The following TTC7B variants were observed in gnomAD, a reference collection of about 807,000 sequenced individuals.
The protein encoded by TTC7B is tetratricopeptide repeat protein 7B.
TTC7B carries 28 observed loss-of-function variants against 106.8 expected under a neutral mutation model. The ratio of observed to expected loss-of-function variants is 0.26; its 90% CI spans 0.19 to 0.36. The LOEUF is 0.36. TTC7B is among the 10% of genes least tolerant of loss of function. The probability of loss-of-function intolerance (pLI) is 1.00; values close to 1 mark genes in which losing one functional copy is unlikely to be tolerated. For synonymous variants in TTC7B, 405 were observed against 430.6 expected, an observed-to-expected ratio of 0.94 and a Z score of 0.74; for missense variants, 862 against 1,076.4, an observed-to-expected ratio of 0.80 and a Z score of 2.79.
chr14:90,625,799 C>T (rs879789501), intron 15 of TTC7B, among the ~76,000 whole-genome samples: 12 of 152,198 alleles, frequency 7.9e-5, no homozygotes, highest in African/African-American at 1.2e-4. Flanking sequence ...AATTCCTCAA[C>T]GGTTACACAG....
chr14:90,640,276 CA>C (rs67542338), intron 15 of TTC7B, among the ~76,000 whole-genome samples: 16 of 137,516 alleles, frequency 1.2e-4, no homozygotes, highest in African/African-American at 2.2e-4. Context: ...TGTCTCAAAA[CA>C]AAAAAAAAAG....
intron 1 of TTC7B, among the ~76,000 whole-genome samples, chr14:90,793,672 G>A (rs1177333279): frequency 4.1e-5 from 6 of 146,902 alleles, no homozygotes; most frequent in Non-Finnish European, 8.9e-5. Flanking sequence ...GCAATGGCAC[G>A]TCTTCTGCTC....
At chr14:90,566,726 C>T (rs1890815549) in intron 19 of TTC7B, among the ~76,000 whole-genome samples, 1 of 152,130 alleles carries the variant, frequency 6.6e-6, no homozygotes. Context: ...GGGGAATTTC[C>T]TACTGGGGCA....
rs1229441946 is a variant in TTC7B at position 90,536,781 on chromosome 14, G to C, written c.*4587C>G. ...GCCTGCAGAATAACGTGCTCCCCCT[G>C]CCCCTCAAAGACGTCCACATCCCGA... On this transcript the variant is annotated 3_prime_UTR_variant, in exon 20 of 20. Coordinates refer to ENST00000328459, the MANE Select transcript of TTC7B (RefSeq NM_001010854.2). 1 of 152,414 alleles carries C rather than the reference G, an allele frequency of 6.6e-6. No individual in the cohort carries two copies. The allele number at this position is 152,414 out of a possible 1,614,324, so 9.4% of individuals were successfully genotyped here. A position where few individuals can be genotyped will look rare whatever the true frequency, so the allele number is the denominator to read the frequency against.
At position 90,759,612 on chromosome 14, in the gene TTC7B, C is replaced by G. The variant is rs897402138; in HGVS notation, c.446-14690G>C. ...AGGCAGTCCCTTGAGAGCCAAACAG[C>G]TTGAAAGTTGACAAATTGAGATGAA... On this transcript the variant is annotated intron_variant, in intron 3 of 19. Coordinates refer to ENST00000328459, the MANE Select transcript of TTC7B (RefSeq NM_001010854.2). The surrounding 1 kb of genome is among the most constrained non-coding windows in gnomAD (Gnocchi z 4.1). 6.6e-6 allele frequency among the ~76,000 whole-genome samples: 1 copy of G among 152,200 alleles called. No homozygotes were observed. The highest frequency in any genetic ancestry group is 1.5e-5 in the Non-Finnish European group (1 of 68,034).
intron 19 of TTC7B, among the ~76,000 whole-genome samples, chr14:90,562,893 C>T (rs1890646586): frequency 1.3e-5 from 2 of 152,192 alleles, no homozygotes; most frequent in South Asian, 4.1e-4. Flanking sequence ...AGAGTCTGCG[C>T]CTCTACTCGG....
chr14:90,708,080 A>T (rs553639492), intron 5 of TTC7B, among the ~76,000 whole-genome samples: 150 of 131,634 alleles, frequency 1.1e-3, no homozygotes, highest in African/African-American at 4.0e-3. Context: ...CAGGAGGTGG[A>T]GGTTGCAGTG....
Position 90,608,289 on chromosome 14 carries a change from TA to T in TTC7B, c.1966+2452del, listed in dbSNP as rs1892730678. Among the ~76,000 whole-genome samples the T allele has an allele frequency of 6.6e-6, 1 of 152,246 alleles. No individual in the cohort carries two copies. The highest frequency in any genetic ancestry group is 1.5e-5 in the Non-Finnish European group (1 of 68,048). On this transcript the variant is annotated intron_variant, in intron 17 of 19. Coordinates refer to ENST00000328459, the MANE Select transcript of TTC7B (RefSeq NM_001010854.2). This position sits in a 1 kb window ranked among gnomAD's most constrained non-coding sequence, Gnocchi z 5.1. ...ATTTTACCCTCGTTTACAAATATGA[TA>T]AGGCCTCCTAAAATGGCCTTCCATT...
rs1892366361 is a variant in TTC7B at position 90,600,095 on chromosome 14, G to A, written c.1967-6469C>T. On this transcript the variant is annotated intron_variant, in intron 17 of 19. Coordinates refer to ENST00000328459, the MANE Select transcript of TTC7B (RefSeq NM_001010854.2). This position sits in a 1 kb window ranked among gnomAD's most constrained non-coding sequence, Gnocchi z 4.3. ...GACGGGAGGAGGCGAAGGAGTTAGT[G>A]TTGACTGTCTCTTATTTCTTGAAGG... Among the ~76,000 whole-genome samples the A allele has an allele frequency of 6.6e-6, 1 of 152,188 alleles. No homozygotes were observed. The highest frequency in any genetic ancestry group is 2.1e-4 in the South Asian group (1 of 4,828).
At position 90,686,499 on chromosome 14, in the gene TTC7B, A is replaced by G. The variant is rs187242615; in HGVS notation, c.950+3041T>C. 2.6e-5 allele frequency among the ~76,000 whole-genome samples: 4 copies of G among 152,348 alleles called. No homozygotes were observed. The East Asian group carries it at 7.7e-4, about 29-fold the overall frequency. On this transcript the variant is annotated intron_variant, in intron 7 of 19. Transcript: ENST00000328459. The stretch of plus-strand genomic sequence containing the variant: ...GGACAATTAAGGAAGAAAATAAAAT[A>G]AAATGCATCTAGGTTAGAAAGGAAA...
chr14:90,730,575 A>G (rs1182537677), intron 4 of TTC7B, among the ~76,000 whole-genome samples: 1 of 152,184 alleles, frequency 6.6e-6, no homozygotes, highest in Non-Finnish European at 1.5e-5. Flanking sequence ...TGATCCACCA[A>G]TGGCCGAGGT....
chr14:90,776,132 C>A (rs1595365387), intron 3 of TTC7B, among the ~76,000 whole-genome samples: 1 of 137,832 alleles, frequency 7.3e-6, no homozygotes, highest in Admixed American at 8.1e-5. Context: ...CAGGAGAGGG[C>A]CCCCCGTGAC....
At chr14:90,549,954 T>G (rs1441379102) in intron 19 of TTC7B, among the ~76,000 whole-genome samples, 2 of 152,112 alleles carry the variant, frequency 1.3e-5, no homozygotes, top group African/African-American at 4.8e-5. Context: ...CTAGAGATCA[T>G]AAGACTGATG....
At chr14:90,739,140 C>A (rs1481522632) in intron 4 of TTC7B, among the ~76,000 whole-genome samples, 1 of 152,224 alleles carries the variant, frequency 6.6e-6, no homozygotes, top group Admixed American at 6.5e-5. Context: ...ACCTCCTACT[C>A]CAGGCTCCCA....
intron 3 of TTC7B, among the ~76,000 whole-genome samples, chr14:90,772,161 G>C (rs1890888181): frequency 6.6e-6 from 1 of 151,882 alleles, no homozygotes; most frequent in African/African-American, 2.4e-5. Flanking sequence ...AGGAAGGAAA[G>C]CATACAGGTA....
intron 5 of TTC7B, among the ~76,000 whole-genome samples, chr14:90,724,339 C>T (rs1889008103): frequency 6.6e-6 from 1 of 152,132 alleles, no homozygotes. Flanking sequence ...CTTCACCACT[C>T]GTCCCCACAA....
intron 19 of TTC7B, among the ~76,000 whole-genome samples, chr14:90,545,605 G>A (rs144466183): frequency 1.0e-3 from 152 of 152,340 alleles, no homozygotes; most frequent in African/African-American, 3.6e-3. Context: ...GAGGACCAGG[G>A]CCTTGGCCCA....
intron 9 of TTC7B, among the ~76,000 whole-genome samples, chr14:90,667,194 C>G (rs1886443577): frequency 6.6e-6 from 1 of 152,162 alleles, no homozygotes; most frequent in Non-Finnish European, 1.5e-5. Context: ...CTGGGACATA[C>G]CACGTACAAA....
intron 1 of TTC7B, among the ~76,000 whole-genome samples, chr14:90,795,315 C>T (rs892390068): frequency 6.6e-6 from 1 of 152,212 alleles, no homozygotes; most frequent in East Asian, 1.9e-4. Flanking sequence ...GGTGAGCCCA[C>T]TACGGCCTTG....
Sources: allele counts gnomAD v4.1 joint callset (sites outside exome capture counted in the v4.1 genomes callset), GRCh38; gene constraint gnomAD v4.1.1; non-coding constraint Gnocchi (gnomAD v3.1); transcripts MANE v1.5; gene names NCBI Gene and HGNC (gene_info 2026-07-23, HGNC 2026-07-21).